ARMH1: variants seen among roughly 807,000 people sequenced by gnomAD.
ARMH1 encodes the protein armadillo-like helical domain containing protein 1.
In ARMH1, 34 loss-of-function variants were observed where a neutral mutation model predicts 50.2. The observed-to-expected ratio is 0.68, with a 90% CI of 0.51 to 0.90. The LOEUF is 0.90. ARMH1 is among the 40% of genes least tolerant of loss of function. The probability of loss-of-function intolerance (pLI) is 0.00; values close to 1 mark genes in which losing one functional copy is unlikely to be tolerated. For missense variants in ARMH1, 538 were observed against 553.9 expected (o/e 0.97, Z 0.29); for synonymous variants, 221 against 224.2 (o/e 0.99, Z 0.13).
intron 5 of ARMH1, among the ~76,000 whole-genome samples, chr1:44,701,535 T>A (rs958891549): frequency 6.6e-6 from 1 of 151,798 alleles, no homozygotes; most frequent in Non-Finnish European, 1.5e-5. Context: ...TCTCAGACAG[T>A]ACCCTCGGAT....
chr1:44,725,254 G>A (rs897496407), intron 11 of ARMH1, 37 bp downstream of exon 11: 28 of 1,551,556 alleles, frequency 1.8e-5, no homozygotes, highest in Admixed American at 3.9e-5. Context: ...CGCAGGCGCC[G>A]CCAGCACAGC....
intron 5 of ARMH1, among the ~76,000 whole-genome samples, chr1:44,701,625 G>A (rs1044979711): frequency 6.6e-6 from 1 of 152,064 alleles, no homozygotes; most frequent in African/African-American, 2.4e-5. Flanking sequence ...GGCTTAAAAA[G>A]TGGCTTTAAG....
At chr1:44,680,833 G>A (rs985800548) in intron 1 of ARMH1, among the ~76,000 whole-genome samples, 4 of 151,952 alleles carry the variant, frequency 2.6e-5, no homozygotes, top group East Asian at 1.9e-4. Flanking sequence ...ATTCCTCCCC[G>A]TCTTTTATCT....
rs548020590 is a variant in ARMH1, at chr1:44,683,724, G to A, written c.-22-5952G>A. Among the ~76,000 whole-genome samples, 3 of 152,310 alleles carry A rather than the reference G, an allele frequency of 2.0e-5. No homozygotes were observed. Among genetic ancestry groups the A allele is most frequent in the East Asian group, 1.9e-4 (1 of 5,182 alleles). On this transcript the variant is annotated intron_variant, in intron 1 of 11. Transcript: ENST00000535358. This position sits in a 1 kb window ranked among gnomAD's most constrained non-coding sequence, Gnocchi z 4.2. ...AAAAACCTGGACTTTGGAGTTATAT[G>A]CAGATCTAAGTTCAAATCCCATTCC... is the stretch of plus-strand genomic sequence containing the variant.
At position 44,682,102 on chromosome 1, in the gene ARMH1, G is replaced by C. The variant is rs1443228297; in HGVS notation, c.-23+7229G>C. 1.3e-5 allele frequency among the ~76,000 whole-genome samples: 2 copies of C among 152,162 alleles called. No individual in the cohort carries two copies. The highest frequency in any genetic ancestry group is 2.9e-5 in the Non-Finnish European group (2 of 68,022). ...GTGCTCGGCTCAGAGTTGGCACCTG[G>C]GAATCTGTTTAATTAACTAATGTGC... On this transcript the variant is annotated intron_variant, in intron 1 of 11. Coordinates refer to ENST00000535358, the MANE Select transcript of ARMH1 (RefSeq NM_001145636.2). This position sits in a 1 kb window ranked among gnomAD's most constrained non-coding sequence, Gnocchi z 4.5.
At chr1:44,719,025 GAAAAAAA>G (rs35822364) in intron 6 of ARMH1, among the ~76,000 whole-genome samples, 39 of 78,630 alleles carry the variant, frequency 5.0e-4, no homozygotes, top group South Asian at 9.6e-4. Context: ...AACTGTCTCG[GAAAAAAA>G]AAAAAAAAAA....
At chr1:44,693,152 G>A (rs1645714157) in intron 2 of ARMH1, 1 of 152,180 alleles carries the variant, frequency 6.6e-6, no homozygotes, top group African/African-American at 2.4e-5. Context: ...TGGAACCCTG[G>A]ACCCTTATTT....
chr1:44,706,445 C>T (rs1488270845), intron 6 of ARMH1, among the ~76,000 whole-genome samples: 1 of 152,042 alleles, frequency 6.6e-6, no homozygotes, highest in Non-Finnish European at 1.5e-5. Flanking sequence ...CTCCTGTGTC[C>T]AGGATGACAG....
At chr1:44,694,238 A>G (rs1200843859) in intron 2 of ARMH1, among the ~76,000 whole-genome samples, 1 of 152,226 alleles carries the variant, frequency 6.6e-6, no homozygotes, top group Non-Finnish European at 1.5e-5. Context: ...TACAACAGAT[A>G]AAATAGACTG....
intron 2 of ARMH1, among the ~76,000 whole-genome samples, chr1:44,690,657 G>A (rs1475597463): frequency 6.6e-6 from 1 of 151,956 alleles, no homozygotes; most frequent in Non-Finnish European, 1.5e-5. Context: ...CCCAATTTCT[G>A]CCCTTCATGG....
intron 2 of ARMH1, among the ~76,000 whole-genome samples, chr1:44,694,262 C>A (rs1195133111): frequency 1.3e-5 from 2 of 152,154 alleles, no homozygotes; most frequent in African/African-American, 2.4e-5. Context: ...GATGTGATAA[C>A]AGTGTTTTGA....
At chr1:44,703,939 G>A (rs1646216279) in intron 5 of ARMH1, 150 bp from the exon 6 acceptor site, 1 of 562,756 alleles carries the variant, frequency 1.8e-6, no homozygotes. Flanking sequence ...TGTTAGCCAG[G>A]ATGGTCTGGA....
At chr1:44,722,230 G>A (rs1453750165) in intron 6 of ARMH1, among the ~76,000 whole-genome samples, 1 of 152,070 alleles carries the variant, frequency 6.6e-6, no homozygotes, top group East Asian at 1.9e-4. Context: ...ACATGGCCAA[G>A]TCCTGTCTTC....
Position 44,683,301 on chromosome 1 carries a change from C to T in ARMH1, c.-22-6375C>T, listed in dbSNP as rs199873304. ...GACTTGAGGAGCCTGTGACACATACCAGTGAAGAGTCTGCCGGTCACTTAA... is the reference window on the plus strand; with the variant it reads ...GACTTGAGGAGCCTGTGACACATACTAGTGAAGAGTCTGCCGGTCACTTAA... On this transcript the variant is annotated intron_variant, in intron 1 of 11. Coordinates refer to ENST00000535358, the MANE Select transcript of ARMH1 (RefSeq NM_001145636.2). This position sits in a 1 kb window ranked among gnomAD's most constrained non-coding sequence, Gnocchi z 4.2. Among the ~76,000 whole-genome samples, 1 of 152,150 alleles carries T rather than the reference C, an allele frequency of 6.6e-6. No homozygotes were observed. The highest frequency in any genetic ancestry group is 2.4e-5 in the African/African-American group (1 of 41,426).
rs1308655175 is a variant in ARMH1, at chr1:44,683,021, G to A, written c.-22-6655G>A. On this transcript the variant is annotated intron_variant, in intron 1 of 11. Transcript: ENST00000535358. The surrounding 1 kb of genome is among the most constrained non-coding windows in gnomAD (Gnocchi z 4.2). ...AGCCCGAAGACCAGTGGAGGCTGTT[G>A]CAGTAATCCATATGCGGAACAAGGG... is the stretch of plus-strand genomic sequence containing the variant. Among the ~76,000 whole-genome samples, 1 of 152,230 alleles carries A rather than the reference G, an allele frequency of 6.6e-6. No homozygotes were observed. The highest frequency in any genetic ancestry group is 2.4e-5 in the African/African-American group (1 of 41,460).
At chr1:44,696,902 C>T (rs986808380) in intron 2 of ARMH1, among the ~76,000 whole-genome samples, 200 bp from the exon 3 acceptor site, 3 of 152,168 alleles carry the variant, frequency 2.0e-5, no homozygotes, top group African/African-American at 7.2e-5. Context: ...TCCTGGAGAA[C>T]AGTGAACAGC....
intron 1 of ARMH1, among the ~76,000 whole-genome samples, chr1:44,680,044 C>A (rs907810432): frequency 3.3e-5 from 5 of 152,356 alleles, no homozygotes; most frequent in Admixed American, 2.0e-4. Context: ...AAAAAGGAAC[C>A]TGGCCATTCC....
intron 5 of ARMH1, 67 bp from the exon 6 acceptor site, chr1:44,704,022 G>A (rs1206292872): frequency 1.0e-5 from 14 of 1,366,972 alleles, no homozygotes; most frequent in Admixed American, 6.2e-5. Context: ...CACCGCACCC[G>A]GCCGGGAATC....
intron 2 of ARMH1, among the ~76,000 whole-genome samples, 176 bp downstream of exon 2, chr1:44,690,079 G>A (rs576236740): frequency 6.6e-6 from 1 of 152,192 alleles, no homozygotes; most frequent in Non-Finnish European, 1.5e-5. Flanking sequence ...TTAGCCAGGC[G>A]TGGTGGCAGG....
Sources: allele counts gnomAD v4.1 joint callset (sites outside exome capture counted in the v4.1 genomes callset), GRCh38; gene constraint gnomAD v4.1.1; non-coding constraint Gnocchi (gnomAD v3.1); transcripts MANE v1.5; gene names NCBI Gene and HGNC (gene_info 2026-07-23, HGNC 2026-07-21).